The following LAMA2 variants were observed in gnomAD, a reference collection of about 807,000 sequenced individuals.
LAMA2 encodes laminin subunit alpha-2.
Under a neutral mutation model 364.8 loss-of-function variants are expected in LAMA2, and 269 were observed. The ratio of observed to expected loss-of-function variants is 0.74; its 90% confidence interval spans 0.67 to 0.82. LAMA2 has a LOEUF of 0.82. LAMA2 is among the 40% of genes least tolerant of loss of function. The pLI is 0.00. For missense variants in LAMA2, 3,807 were observed against 3,873.2 expected (o/e 0.98, Z 0.45); for synonymous variants, 1,379 against 1,370.6 (o/e 1.01, Z -0.14).
At chr6:129,159,040 A>G (rs1249285053) in intron 8 of LAMA2, 13 of 1,580,156 alleles carry the variant, frequency 8.2e-6, no homozygotes, top group Non-Finnish European at 1.0e-5. Flanking sequence ...GGAGCATACT[A>G]TCCAGATTCT....
intron 1 of LAMA2, among the ~76,000 whole-genome samples, chr6:128,907,753 A>C (rs1049797331): frequency 2.0e-5 from 3 of 152,176 alleles, no homozygotes; most frequent in African/African-American, 7.2e-5. Flanking sequence ...CCAATTCAGT[A>C]TGATATTCGC....
In LAMA2 at chr6:129,316,108, T is replaced by G; in HGVS notation, c.3995T>G (p.Ile1332Arg). The G allele has an allele frequency of 6.2e-7, 1 of 1,608,118 alleles. No homozygotes were observed. The highest frequency in any genetic ancestry group is 1.1e-5 in the South Asian group (1 of 90,962). ...RTVTREDFLD[I>R]LYDIHYILIK... Reference sequence around the variant, plus strand: ...GTGACCCGAGAAGACTTCTTGGATATACTATATGATATTCATTACATTCTT... The same window carrying G: ...GTGACCCGAGAAGACTTCTTGGATAGACTATATGATATTCATTACATTCTT... Residue 1332 changes from isoleucine (I) to arginine (R), a missense_variant, in exon 27 of 65, where the codon ATA (isoleucine) becomes AGA (arginine). Transcript: ENST00000421865.
At chr6:129,394,477 T>C (rs1779497422) in intron 37 of LAMA2, among the ~76,000 whole-genome samples, 1 of 152,252 alleles carries the variant, frequency 6.6e-6, no homozygotes, top group Admixed American at 6.5e-5. Flanking sequence ...CTTAGCCTTG[T>C]CATTCTGGTA....
chr6:128,997,554 G>A lies in LAMA2; in HGVS notation c.113-52364G>A, dbSNP rs542931960. 3.7e-4 allele frequency among the ~76,000 whole-genome samples: 57 copies of A among 152,258 alleles called. 1 individual carries two copies. Among genetic ancestry groups the A allele is most frequent in the Admixed American group, 2.4e-3 (36 of 15,300 alleles). On this transcript the variant is annotated intron_variant, in intron 1 of 64. Coordinates refer to ENST00000421865, the MANE Select transcript of LAMA2 (RefSeq NM_000426.4). ...TCACACCTGTAATTCCAGCACTTTC[G>A]GAGGCTGAGGCAGGTGGATCACTTG...
intron 4 of LAMA2, among the ~76,000 whole-genome samples, chr6:129,098,900 C>T (rs1275020134): frequency 1.3e-5 from 2 of 152,270 alleles, no homozygotes; most frequent in East Asian, 3.9e-4. Flanking sequence ...GGGGTTTCTT[C>T]CCTGGGTCAG....
intron 34 of LAMA2, among the ~76,000 whole-genome samples, chr6:129,370,649 G>GATTTAATTAATTAAATTTAATTTA (rs1331768066): frequency 6.6e-6 from 1 of 152,200 alleles, no homozygotes. Flanking sequence ...GCAAAGTACG[G>GATTTAATTAATTAAATTTAATTTA]ATTTAATTTG....
chr6:129,431,123 G>T (rs994057431), intron 41 of LAMA2, among the ~76,000 whole-genome samples: 2 of 151,988 alleles, frequency 1.3e-5, no homozygotes, highest in African/African-American at 4.8e-5. Context: ...TGTTGGCCAG[G>T]TGCGGTGGCT....
chr6:129,374,129 T>C (rs908287659), intron 34 of LAMA2, among the ~76,000 whole-genome samples: 7 of 152,232 alleles, frequency 4.6e-5, no homozygotes, highest in Non-Finnish European at 1.0e-4. Context: ...AGACCATAAA[T>C]ACTCAAGTCA....
At chr6:129,507,845 A>G (rs1562635780) in intron 62 of LAMA2, among the ~76,000 whole-genome samples, 1 of 152,368 alleles carries the variant, frequency 6.6e-6, no homozygotes, top group East Asian at 1.9e-4. Context: ...GAAGAAATAA[A>G]GTAAAAGGTC....
At chr6:129,168,458 A>G (rs1298788658) in intron 9 of LAMA2, among the ~76,000 whole-genome samples, 1 of 152,226 alleles carries the variant, frequency 6.6e-6, no homozygotes, top group Admixed American at 6.5e-5. Context: ...CAGGTTTGTC[A>G]AAGATCAGGT....
intron 11 of LAMA2, among the ~76,000 whole-genome samples, chr6:129,191,760 T>A (rs1441366403): frequency 6.6e-6 from 1 of 152,172 alleles, no homozygotes; most frequent in Admixed American, 6.5e-5. Context: ...TTAAAAAATA[T>A]TTCAGCCACA....
chr6:128,938,805 A>G (rs1006471639), intron 1 of LAMA2, among the ~76,000 whole-genome samples: 2 of 152,122 alleles, frequency 1.3e-5, no homozygotes, highest in African/African-American at 4.8e-5. Flanking sequence ...AGCAAAAGGG[A>G]TAGAATTCTA....
At chr6:129,478,573 C>CAGTT (rs1405621814) in intron 53 of LAMA2, 120 bp from the exon 54 acceptor site, 1 of 1,031,600 alleles carries the variant, frequency 9.7e-7, no homozygotes. Context: ...CACGTGTGCA[C>CAGTT]AGTTTGATAG....
At chr6:129,034,461 T>A (rs1030167441) in intron 1 of LAMA2, among the ~76,000 whole-genome samples, 1 of 152,082 alleles carries the variant, frequency 6.6e-6, no homozygotes, top group Non-Finnish European at 1.5e-5. Context: ...AGTTTTTTTT[T>A]CTTTTTTCCT....
intron 17 of LAMA2, among the ~76,000 whole-genome samples, chr6:129,278,485 G>A (rs531753421): frequency 7.2e-5 from 11 of 152,282 alleles, no homozygotes; most frequent in South Asian, 6.2e-4. Context: ...GCAAATCACC[G>A]GATGTGGATG....
chr6:129,320,697 C>A, intron 28 of LAMA2, 42 bp downstream of exon 28: 1 of 1,069,092 alleles, frequency 9.4e-7, no homozygotes, highest in South Asian at 1.2e-5. Context: ...CAAGTCACTT[C>A]AGGAGCTAAA....
At position 129,260,688 on chromosome 6, in the gene LAMA2, A is replaced by G. The variant is rs770201037; in HGVS notation, c.2097-23A>G. 3.7e-5 allele frequency: 52 copies of G among 1,393,546 alleles called. No individual in the cohort carries two copies. In the East Asian group the frequency reaches 1.0e-3, roughly 28 times the overall value. The allele number at this position is 1,393,546 out of a possible 1,614,324, so 86.3% of individuals were successfully genotyped here. ...TACCTAAGAACTTTACTTATTCACC[A>G]TCTCTTTTTTCCTCTGCCATAGGTT... On this transcript the variant is annotated intron_variant, in intron 14 of 64. Coordinates refer to ENST00000421865, the MANE Select transcript of LAMA2 (RefSeq NM_000426.4).
chr6:129,380,181 A>G (rs1339451942), intron 34 of LAMA2, among the ~76,000 whole-genome samples: 4 of 152,190 alleles, frequency 2.6e-5, no homozygotes, highest in Non-Finnish European at 5.9e-5. Context: ...CACTGAGAAG[A>G]TGGAGTTGGA....
chr6:129,006,894 G>C (rs1359878149), intron 1 of LAMA2, among the ~76,000 whole-genome samples: 1 of 152,084 alleles, frequency 6.6e-6, no homozygotes, highest in African/African-American at 2.4e-5. Flanking sequence ...TTTCCTGCAG[G>C]CTATCCCATC....
Sources: allele counts gnomAD v4.1 joint callset (sites outside exome capture counted in the v4.1 genomes callset), GRCh38; gene constraint gnomAD v4.1.1; transcripts MANE v1.5; gene names NCBI Gene and HGNC (gene_info 2026-07-23, HGNC 2026-07-21).